TMEM132B: variants seen among roughly 807,000 people sequenced by gnomAD.
TMEM132B encodes the protein transmembrane protein 132B.
TMEM132B carries 18 observed loss-of-function variants against 90.8 expected under a neutral mutation model. The ratio of observed to expected loss-of-function variants is 0.20; its 90% confidence interval spans 0.14 to 0.29. The LOEUF is 0.29. TMEM132B is among the 10% of genes least tolerant of loss of function. TMEM132B has a pLI of 1.00. For missense variants in TMEM132B, 1,096 were observed against 1,326.8 expected, an observed-to-expected ratio of 0.83 and a Z score of 2.70; for synonymous variants, 504 against 523.3, an observed-to-expected ratio of 0.96 and a Z score of 0.50.
chr12:125,198,319 G>A (rs748238052), intron 1 of TMEM132B, among the ~76,000 whole-genome samples: 1 of 152,174 alleles, frequency 6.6e-6, no homozygotes, highest in Non-Finnish European at 1.5e-5. Flanking sequence ...TTCAGGTATG[G>A]CTGGGTCCAG....
chr12:125,449,474 C>T (rs1482658810), intron 3 of TMEM132B, among the ~76,000 whole-genome samples: 1 of 151,942 alleles, frequency 6.6e-6, no homozygotes, highest in Non-Finnish European at 1.5e-5. Flanking sequence ...CTGTTTTATT[C>T]TTGACTAGTC....
chr12:125,522,350 A>T (rs1883329335), intron 4 of TMEM132B, among the ~76,000 whole-genome samples: 1 of 152,236 alleles, frequency 6.6e-6, no homozygotes, highest in Non-Finnish European at 1.5e-5. Flanking sequence ...ATTGTTAACT[A>T]TCACAGAGGA....
chr12:125,542,625 C>A (rs1883986464), intron 4 of TMEM132B, among the ~76,000 whole-genome samples: 1 of 152,170 alleles, frequency 6.6e-6, no homozygotes, highest in Admixed American at 6.5e-5. Flanking sequence ...AGCATGTTGT[C>A]CTCAAGGCTC....
intron 1 of TMEM132B, among the ~76,000 whole-genome samples, chr12:125,332,424 C>T (rs1354867053): frequency 2.0e-5 from 3 of 151,842 alleles, no homozygotes; most frequent in Admixed American, 1.3e-4. Context: ...TATTCTTCAT[C>T]AATTTTTTTT....
intron 1 of TMEM132B, among the ~76,000 whole-genome samples, chr12:125,230,238 C>T (rs374485767): frequency 1.4e-4 from 22 of 152,298 alleles, no homozygotes; most frequent in African/African-American, 5.3e-4. Flanking sequence ...AAAAACCTTA[C>T]ACGTGAGGCT....
chr12:125,557,685 C>G (rs1237134024), intron 4 of TMEM132B, among the ~76,000 whole-genome samples: 1 of 129,722 alleles, frequency 7.7e-6, no homozygotes, highest in Non-Finnish European at 1.6e-5. Flanking sequence ...TGTCCAGGAA[C>G]TAAGGACATG....
chr12:125,525,967 C>T (rs1332627890), intron 4 of TMEM132B, among the ~76,000 whole-genome samples: 2 of 152,106 alleles, frequency 1.3e-5, no homozygotes, highest in Admixed American at 6.5e-5. Context: ...AATAACTTGT[C>T]GTTAAAAAGG....
chr12:125,587,924 G>A (rs1423399750), intron 5 of TMEM132B: 1 of 152,196 alleles, frequency 6.6e-6, no homozygotes, highest in African/African-American at 2.4e-5. Flanking sequence ...ATTGAAGGAA[G>A]TGTGAGTGTT....
chr12:125,567,790 T>C (rs897512894), intron 4 of TMEM132B, among the ~76,000 whole-genome samples: 11 of 152,186 alleles, frequency 7.2e-5, no homozygotes, highest in Non-Finnish European at 1.5e-4. Context: ...GAAGACTTTT[T>C]TTTTTCCCCC....
intron 1 of TMEM132B, among the ~76,000 whole-genome samples, chr12:125,234,050 G>A (rs1490263409): frequency 6.6e-6 from 1 of 152,188 alleles, no homozygotes; most frequent in African/African-American, 2.4e-5. Flanking sequence ...GCTGTAGTCA[G>A]GGATGTAGAT....
intron 1 of TMEM132B, among the ~76,000 whole-genome samples, chr12:125,340,620 GC>G (rs1877151404): frequency 6.6e-6 from 1 of 152,166 alleles, no homozygotes; most frequent in South Asian, 2.1e-4. Context: ...AATATTTCTA[GC>G]CTCAGAATGT....
chr12:125,193,677 G>A (rs890640139), intron 1 of TMEM132B, among the ~76,000 whole-genome samples: 8 of 152,242 alleles, frequency 5.3e-5, no homozygotes, highest in Admixed American at 2.6e-4. Flanking sequence ...GTTCTTTGCA[G>A]AGTGCCTGGC....
At chr12:125,288,960 A>C (rs1875452181) in intron 1 of TMEM132B, among the ~76,000 whole-genome samples, 2 of 152,318 alleles carry the variant, frequency 1.3e-5, no homozygotes, top group South Asian at 4.1e-4. Context: ...AGGCGGTGCC[A>C]TGCAGAGGCA....
At chr12:125,591,409 A>G (rs1251727942) in intron 5 of TMEM132B, among the ~76,000 whole-genome samples, 2 of 152,030 alleles carry the variant, frequency 1.3e-5, no homozygotes, top group African/African-American at 4.8e-5. Context: ...TCTTCCCCAC[A>G]TGGCTAATTC....
In TMEM132B at chr12:125,217,168, G is replaced by A. The variant is rs377025162; in HGVS notation, c.67+30302G>A. On this transcript the variant is annotated intron_variant, in intron 1 of 8. Transcript: ENST00000682704. ...TTAATATGGGTATCAAAGCAGAACCGTAAATCAACAGATTCAGGGCACTTG... is the reference window on the plus strand; with the variant it reads ...TTAATATGGGTATCAAAGCAGAACCATAAATCAACAGATTCAGGGCACTTG... Among the ~76,000 whole-genome samples, 29 of 152,328 alleles carry A rather than the reference G, an allele frequency of 1.9e-4. 1 individual carries two copies. Among genetic ancestry groups the A allele is most frequent in the African/African-American group, 6.0e-4 (25 of 41,574 alleles).
chr12:125,384,672 A>G (rs572435374), intron 2 of TMEM132B, among the ~76,000 whole-genome samples: 9 of 152,228 alleles, frequency 5.9e-5, no homozygotes, highest in Middle Eastern at 3.4e-3. Flanking sequence ...TTTTTTTGAG[A>G]TGGAGTCTTA....
intron 4 of TMEM132B, among the ~76,000 whole-genome samples, chr12:125,565,255 G>C (rs10846919): frequency 6.6e-6 from 1 of 151,968 alleles, no homozygotes; most frequent in African/African-American, 2.4e-5. Flanking sequence ...TGCAGGATGC[G>C]AGACAGAATC....
intron 4 of TMEM132B, among the ~76,000 whole-genome samples, chr12:125,554,297 C>T (rs1042182654): frequency 1.6e-4 from 24 of 151,266 alleles, no homozygotes; most frequent in African/African-American, 4.6e-4. Context: ...TGGTGGTGGG[C>T]GCCTGTAGTC....
intron 1 of TMEM132B, among the ~76,000 whole-genome samples, chr12:125,269,026 A>G (rs748883072): frequency 3.9e-5 from 6 of 152,244 alleles, no homozygotes; most frequent in South Asian, 4.1e-4. Context: ...ACCAACTGAT[A>G]TAGTTAATTG....
Sources: allele counts gnomAD v4.1 joint callset (sites outside exome capture counted in the v4.1 genomes callset), GRCh38; gene constraint gnomAD v4.1.1; transcripts MANE v1.5; gene names NCBI Gene and HGNC (gene_info 2026-07-23, HGNC 2026-07-21).